TTLL8: variants seen among roughly 807,000 people sequenced by gnomAD.
The protein encoded by TTLL8 is protein monoglycylase TTLL8.
In TTLL8, 65 loss-of-function variants were observed where a neutral mutation model predicts 77.8. The ratio of observed to expected loss-of-function variants is 0.84; its 90% confidence interval spans 0.68 to 1.03. TTLL8 has a LOEUF of 1.03. Ranked by LOEUF, TTLL8 falls within the 50% of genes least tolerant of loss-of-function variation. The pLI is 0.00. For synonymous variants in TTLL8, 402 were observed against 422.8 expected, an observed-to-expected ratio of 0.95 and a Z score of 0.60; for missense variants, 910 against 1,004.5, an observed-to-expected ratio of 0.91 and a Z score of 1.27.
chr22:50,056,848 C>G (rs1440594678), upstream of TTLL8: 1 of 1,289,708 alleles, frequency 7.8e-7, no homozygotes, highest in East Asian at 5.5e-5. This position sits in a 1 kb window ranked among gnomAD's most constrained non-coding sequence, Gnocchi z 4.1. Flanking sequence ...GGCTGGCACA[C>G]AGGCAATACA....
rs2061449654 is a variant in TTLL8, at chr22:50,052,498, AATGAAG to A, written c.51+2072_51+2077del. On this transcript the variant is annotated intron_variant, in intron 1 of 13. Transcript: ENST00000266182. ...TTGAACCAAAGGAACGTACTAAATG[AATGAAG>A]ATAACAGACACACCTGAATACATCA... Among the ~76,000 whole-genome samples the A allele has an allele frequency of 5.9e-5, 9 of 152,362 alleles. No individual in the cohort carries two copies. The South Asian group carries it at 1.9e-3, about 32-fold the overall frequency.
rs766696478 is a variant in TTLL8 at position 50,041,584 on chromosome 22, A to G, written c.830+37T>C. On this transcript the variant is annotated intron_variant, in intron 7 of 13. Transcript: ENST00000266182. The surrounding 1 kb of genome is among the most constrained non-coding windows in gnomAD (Gnocchi z 4.3). Reference sequence around the variant, plus strand: ...GGCAGCTCCTGCAATCTGCACTCACAGCTCCGACATGTGCCAGGGGCCTGC... The same window carrying G: ...GGCAGCTCCTGCAATCTGCACTCACGGCTCCGACATGTGCCAGGGGCCTGC... 6 of 1,307,150 alleles carry G rather than the reference A, an allele frequency of 4.6e-6. No homozygotes were observed. The East Asian group carries it at 2.4e-4, about 52-fold the overall frequency. 81.0% of individuals were successfully genotyped at this position (1,307,150 alleles called of 1,614,324 possible).
chr22:50,028,505 G>A (rs1232523281), intron 12 of TTLL8, among the ~76,000 whole-genome samples: 10 of 152,156 alleles, frequency 6.6e-5, no homozygotes, highest in East Asian at 3.9e-4. Flanking sequence ...AGGCATCTCC[G>A]TGAGTGGGTC....
At chr22:50,054,137 G>A (rs1231973777) in intron 1 of TTLL8, among the ~76,000 whole-genome samples, 2 of 152,208 alleles carry the variant, frequency 1.3e-5, no homozygotes, top group African/African-American at 4.8e-5. Flanking sequence ...GAATGCAGAT[G>A]TTTTCTCACA....
chr22:50,022,632 C>T (rs1490812329), intron 12 of TTLL8, among the ~76,000 whole-genome samples: 1 of 149,962 alleles, frequency 6.7e-6, no homozygotes, highest in Non-Finnish European at 1.5e-5. Flanking sequence ...CTCCATCTGA[C>T]GACGTGCACT....
chr22:50,035,168 G>A lies in TTLL8; in HGVS notation c.922-706C>T, dbSNP rs139100551. On this transcript the variant is annotated intron_variant, in intron 8 of 13. Coordinates refer to ENST00000266182, the Ensembl canonical transcript of TTLL8. ...AGCTGCCCCAGGGCCCGCTGGAGCC[G>A]TCCTGCGTGGGCAGACTCAGAGCTG... is the stretch of plus-strand genomic sequence containing the variant. Among the ~76,000 whole-genome samples, 256 of 152,274 alleles carry A rather than the reference G, an allele frequency of 1.7e-3. 2 individuals carry two copies. The highest frequency in any genetic ancestry group is 5.6e-3 in the African/African-American group (234 of 41,548).
chr22:50,057,390 G>GT (rs1235292670), upstream of TTLL8, among the ~76,000 whole-genome samples: 8 of 96,824 alleles, frequency 8.3e-5, no homozygotes, highest in African/African-American at 2.1e-4. Flanking sequence ...GGTCTGGGTT[G>GT]GGGTCAGGTC....
chr22:50,030,959 G>A (rs899078425), intron 11 of TTLL8, 34 bp from the exon 13 acceptor site: 1 of 1,304,808 alleles, frequency 7.7e-7, no homozygotes, highest in Non-Finnish European at 1.0e-6. Context: ...GTGCTGGGCT[G>A]TGGCCGGGAT....
chr22:50,029,721 ACT>A (rs1001915149), intron 12 of TTLL8, among the ~76,000 whole-genome samples: 3 of 151,558 alleles, frequency 2.0e-5, no homozygotes, highest in East Asian at 2.0e-4. Context: ...ACAGAGCAAG[ACT>A]CTGTCTCAAA....
intron 8 of TTLL8, among the ~76,000 whole-genome samples, chr22:50,035,490 G>A (rs1201049239): frequency 6.6e-6 from 1 of 152,136 alleles, no homozygotes; most frequent in Non-Finnish European, 1.5e-5. Flanking sequence ...CCCAGGGAAG[G>A]ACTGAAGGCG....
chr22:50,046,349 G>A (rs2061411561), intron 4 of TTLL8, among the ~76,000 whole-genome samples: 2 of 152,224 alleles, frequency 1.3e-5, no homozygotes, highest in African/African-American at 2.4e-5. Context: ...AGGAGCGGCT[G>A]CAGGGCCCGG....
intron 1 of TTLL8, among the ~76,000 whole-genome samples, chr22:50,054,144 C>T (rs1310056031): frequency 6.6e-6 from 1 of 152,216 alleles, no homozygotes; most frequent in Admixed American, 6.5e-5. Context: ...GATGTTTTCT[C>T]ACACTATTGC....
chr22:50,035,709 G>A (rs1244176959), intron 8 of TTLL8, among the ~76,000 whole-genome samples: 2 of 152,200 alleles, frequency 1.3e-5, no homozygotes, highest in Non-Finnish European at 2.9e-5. Flanking sequence ...GTCTAAATAG[G>A]GTGGGTCACC....
intron 12 of TTLL8, among the ~76,000 whole-genome samples, chr22:50,024,528 C>G (rs994665051): frequency 7.2e-5 from 11 of 152,152 alleles, no homozygotes; most frequent in African/African-American, 2.7e-4. Flanking sequence ...ATATTTTTGA[C>G]AAAGATGCCC....
rs575314868 is a variant in TTLL8, at chr22:50,044,784, A to G, written c.643+471T>C. ...GCTCTAGAAATTACATTTTATTAAA[A>G]CCAACAACCACAAAAAAGATTTGGG... On this transcript the variant is annotated intron_variant, in intron 6 of 13. Coordinates refer to ENST00000266182, the Ensembl canonical transcript of TTLL8. The surrounding 1 kb of genome is among the most constrained non-coding windows in gnomAD (Gnocchi z 4.2). Among the ~76,000 whole-genome samples, 1 of 152,220 alleles carries G rather than the reference A, an allele frequency of 6.6e-6. No homozygotes were observed. The highest frequency in any genetic ancestry group is 2.1e-4 in the South Asian group (1 of 4,828).
rs1459803953 is a variant in TTLL8, at chr22:50,018,811, A to G, written c.2204-2249T>C. ...ATGAACCTGTGTGGAAAAGATATTG[A>G]CAGACCAAAAGCTCATCCGAACGTC... On this transcript the variant is annotated intron_variant, in intron 12 of 13. Coordinates refer to ENST00000266182, the Ensembl canonical transcript of TTLL8. Among the ~76,000 whole-genome samples, 1 of 152,200 alleles carries G rather than the reference A, an allele frequency of 6.6e-6. No homozygotes were observed. The highest frequency in any genetic ancestry group is 6.5e-5 in the Admixed American group (1 of 15,282).
chr22:50,045,836 T>A lies in TTLL8; in HGVS notation c.508+20A>T. The stretch of plus-strand genomic sequence containing the variant: ...CTCTCTGCTGACAGCACTGGGGCCC[T>A]CTGCCGTCTCCTCACTTACCCAGGA... On this transcript the variant is annotated intron_variant, in intron 5 of 13. Coordinates refer to ENST00000266182, the Ensembl canonical transcript of TTLL8. The A allele has an allele frequency of 7.6e-7, 1 of 1,322,128 alleles. No homozygotes were observed. The highest frequency in any genetic ancestry group is 1.0e-6 in the Non-Finnish European group (1 of 1,002,918). The allele number at this position is 1,322,128 out of a possible 1,614,324, so 81.9% of individuals were successfully genotyped here.
intron 8 of TTLL8, among the ~76,000 whole-genome samples, chr22:50,037,165 T>G (rs2061342664): frequency 6.6e-6 from 1 of 152,172 alleles, no homozygotes; most frequent in Non-Finnish European, 1.5e-5. Flanking sequence ...GTGCTAGAGT[T>G]CCAGCTGCTC....
chr22:50,029,971 G>T (rs2061274647), intron 12 of TTLL8, among the ~76,000 whole-genome samples: 1 of 150,388 alleles, frequency 6.6e-6, no homozygotes, highest in Admixed American at 6.6e-5. Flanking sequence ...GCCCGATGGG[G>T]GCCGGGCGTG....
Sources: gnomAD v4.1 joint callset for allele counts (sites outside exome capture counted in the v4.1 genomes callset) on GRCh38, gnomAD v4.1.1 for gene constraint, Gnocchi (gnomAD v3.1) non-coding constraint, MANE v1.5 for transcripts, NCBI Gene and HGNC (gene_info 2026-07-23, HGNC 2026-07-21) for gene names.